MMP26: variants seen among roughly 807,000 people sequenced by gnomAD.
MMP26 encodes matrix metalloproteinase-26.
Under a neutral mutation model 31.0 loss-of-function variants are expected in MMP26, and 33 were observed. The observed-to-expected ratio is 1.06, with a 90% CI of 0.81 to 1.42. The LOEUF (loss-of-function observed/expected upper bound fraction) is 1.42, where lower values mean the gene tolerates loss of function less well. Among genes scored for constraint, MMP26 ranks in the 40% most tolerant of loss-of-function variants. The pLI, the probability that MMP26 is intolerant of heterozygous loss-of-function variation, is 0.00. For missense variants in MMP26, 347 were observed against 316.1 expected (o/e 1.10, Z -0.74); for synonymous variants, 122 against 114.9 (o/e 1.06, Z -0.40).
In MMP26 at chr11:4,901,898, A is replaced by T. The variant is rs147443785; in HGVS notation, c.-144-86170A>T. 5.0e-3 allele frequency among the ~76,000 whole-genome samples: 759 copies of T among 152,322 alleles called. 1 individual carries two copies. Among genetic ancestry groups the T allele is most frequent in the African/African-American group, 0.016 (678 of 41,564 alleles). ...ATATCCAAAGAAAATAAGTATTTTC[A>T]AATTATAGATTTATTATAGAAGATG... On this transcript the variant is annotated intron_variant, in intron 2 of 7. Coordinates refer to ENST00000380390, the MANE Select transcript of MMP26 (RefSeq NM_021801.5).
At chr11:4,913,716 A>G (rs994830166) in intron 2 of MMP26, 1 of 152,210 alleles carries the variant, frequency 6.6e-6, no homozygotes, top group African/African-American at 2.4e-5. Context: ...GAGAATAAAA[A>G]TGGCAACAAA....
chr11:4,800,536 C>T (rs1849166849), intron 2 of MMP26, among the ~76,000 whole-genome samples: 1 of 152,174 alleles, frequency 6.6e-6, no homozygotes, highest in Admixed American at 6.5e-5. Context: ...TCAAAATACT[C>T]TGAAATGCCT....
chr11:4,842,247 A>G (rs1241296821), intron 2 of MMP26, among the ~76,000 whole-genome samples: 1 of 152,188 alleles, frequency 6.6e-6, no homozygotes, highest in African/African-American at 2.4e-5. Flanking sequence ...TTGTTTAGGC[A>G]AAGAGTGTTA....
chr11:4,924,437 G>A, intron 2 of MMP26: 1 of 1,283,396 alleles, frequency 7.8e-7, no homozygotes, highest in East Asian at 2.3e-5. Flanking sequence ...CCCAAGATCA[G>A]CCAGTAAGGA....
intron 2 of MMP26, chr11:4,907,263 T>C (rs761619211): frequency 5.9e-6 from 4 of 679,916 alleles, no homozygotes; most frequent in Admixed American, 2.7e-5. Flanking sequence ...GAGTATAGTA[T>C]ACGAATGAAC....
intron 2 of MMP26, among the ~76,000 whole-genome samples, chr11:4,950,321 T>A (rs552848114): frequency 5.8e-5 from 7 of 121,514 alleles, no homozygotes; most frequent in African/African-American, 1.9e-4. Flanking sequence ...ATAAATAATA[T>A]CATCATATGG....
At chr11:4,882,742 T>C in intron 2 of MMP26, 1 of 1,613,900 alleles carries the variant, frequency 6.2e-7, no homozygotes, top group Non-Finnish European at 8.5e-7. Flanking sequence ...TGGCCAATAT[T>C]TATCTGCTCT....
At position 4,835,584 on chromosome 11, in the gene MMP26, A is replaced by G. The variant is rs114216421; in HGVS notation, c.-145+68243A>G. ...TACAGGAGAGAGTGGGAAAAAGGAG[A>G]GAGCAATTGAGGCTCTGCTGTGAAA... On this transcript the variant is annotated intron_variant, in intron 2 of 7. Transcript: ENST00000380390. 3.3e-3 allele frequency among the ~76,000 whole-genome samples: 507 copies of G among 152,246 alleles called. 4 individuals carry two copies. Among genetic ancestry groups the G allele is most frequent in the African/African-American group, 9.7e-3 (403 of 41,548 alleles).
chr11:4,835,802 G>A (rs1338035743), intron 2 of MMP26, among the ~76,000 whole-genome samples: 1 of 152,120 alleles, frequency 6.6e-6, no homozygotes, highest in Non-Finnish European at 1.5e-5. Context: ...GAAACTTCCA[G>A]CTATAAAGCT....
chr11:4,899,970 A>T (rs914446292), intron 2 of MMP26, among the ~76,000 whole-genome samples: 1 of 152,146 alleles, frequency 6.6e-6, no homozygotes, highest in African/African-American at 2.4e-5. Context: ...TTTTGTTCCC[A>T]AATATATTTA....
At chr11:4,752,309 G>C (rs555255126) in intron 1 of MMP26, 1 of 152,268 alleles carries the variant, frequency 6.6e-6, no homozygotes, top group Admixed American at 6.5e-5. Context: ...TGAGACCTGA[G>C]CGAATGATCA....
At chr11:4,909,971 C>T (rs1282933971) in intron 2 of MMP26, among the ~76,000 whole-genome samples, 4 of 151,832 alleles carry the variant, frequency 2.6e-5, no homozygotes, top group Non-Finnish European at 4.4e-5. Context: ...TTTTTTTGGT[C>T]AGAAAAACTG....
rs371546580 is a variant in MMP26, at chr11:4,807,018, T to C, written c.-145+39677T>C. On this transcript the variant is annotated intron_variant, in intron 2 of 7. Transcript: ENST00000380390. ...ATCCTCATTGCTGTACGAGGCAATATAAGGGGTGCTGGCCAAATCCCGGAA... is the reference window on the plus strand; with the variant it reads ...ATCCTCATTGCTGTACGAGGCAATACAAGGGGTGCTGGCCAAATCCCGGAA... Among the ~76,000 whole-genome samples the C allele has an allele frequency of 2.4e-4, 36 of 152,254 alleles. No homozygotes were observed. The East Asian group carries it at 6.6e-3, about 28-fold the overall frequency.
In MMP26 at chr11:4,988,100, GAAAGGGC is replaced by G; in HGVS notation, c.-108_-102del. 3.1e-6 allele frequency: 3 copies of G among 960,988 alleles called. No individual in the cohort carries two copies. Among genetic ancestry groups the G allele is most frequent in the Non-Finnish European group, 5.1e-6 (3 of 590,550 alleles). The allele number at this position is 960,988 out of a possible 1,614,324, so 59.5% of individuals were successfully genotyped here. On this transcript the variant is annotated 5_prime_UTR_variant, in exon 3 of 8. It introduces an in-frame stop codon into an upstream open reading frame of the 5' UTR. Transcript: ENST00000380390. ...TGATGACGCCACTCACAGATTCAAA[GAAAGGGC>G]AAACTGGCAGAGTGAGTCATTGGAT...
intron 2 of MMP26, chr11:4,907,765 C>T (rs1331330366): frequency 1.9e-6 from 3 of 1,613,960 alleles, no homozygotes; most frequent in Non-Finnish European, 2.5e-6. Flanking sequence ...CCTTAAGATA[C>T]AGTTCTATCC....
intron 2 of MMP26, among the ~76,000 whole-genome samples, chr11:4,895,540 C>T (rs1181565306): frequency 6.6e-6 from 1 of 152,190 alleles, no homozygotes; most frequent in Non-Finnish European, 1.5e-5. Flanking sequence ...CCAGTATTTT[C>T]TCTAACCGTG....
At chr11:4,936,995 A>G (rs16907541) in intron 2 of MMP26, among the ~76,000 whole-genome samples, 16,160 of 152,232 alleles carry the variant, frequency 0.11, 978 homozygotes, top group Middle Eastern at 0.24. Flanking sequence ...TTCTCTTACT[A>G]GGCATTTTTT....
rs563977505 is a variant in MMP26 at position 4,961,207 on chromosome 11, A to G, written c.-144-26861A>G. On this transcript the variant is annotated intron_variant, in intron 2 of 7. Transcript: ENST00000380390. Reference sequence around the variant, plus strand: ...TTTCAGTGTTTCTACATACACGCATATGTTTACACACAAAGTCAATTTTGT... The same window carrying G: ...TTTCAGTGTTTCTACATACACGCATGTGTTTACACACAAAGTCAATTTTGT... Among the ~76,000 whole-genome samples the G allele has an allele frequency of 2.6e-5, 4 of 152,348 alleles. No individual in the cohort carries two copies. The East Asian group carries it at 7.7e-4, about 29-fold the overall frequency.
intron 2 of MMP26, among the ~76,000 whole-genome samples, chr11:4,780,116 T>C (rs1333681470): frequency 6.6e-6 from 1 of 152,192 alleles, no homozygotes; most frequent in East Asian, 1.9e-4. Flanking sequence ...TTTGTTTTTA[T>C]TTTTCAATTT....
Sources: gnomAD v4.1 joint callset for allele counts (sites outside exome capture counted in the v4.1 genomes callset) on GRCh38, gnomAD v4.1.1 for gene constraint, MANE v1.5 for transcripts, NCBI Gene and HGNC (gene_info 2026-07-23, HGNC 2026-07-21) for gene names.